NOP58: variants seen among roughly 807,000 people sequenced by gnomAD.
The protein encoded by NOP58 is NOP58 ribonucleoprotein, also known as nucleolar protein 58.
Under a neutral mutation model 71.2 loss-of-function variants are expected in NOP58, and 44 were observed. That is an observed-to-expected ratio of 0.62 (90% confidence interval 0.49 to 0.79). NOP58 has a LOEUF of 0.79. NOP58 is among the 30% of genes least tolerant of loss of function. The pLI, the probability that NOP58 is intolerant of heterozygous loss-of-function variation, is 0.00. For missense variants in NOP58, 538 were observed against 620.2 expected, an observed-to-expected ratio of 0.87 and a Z score of 1.41; for synonymous variants, 228 against 200.3, an observed-to-expected ratio of 1.14 and a Z score of -1.17.
chr2:202,271,492 G>C (rs1353117285), intron 1 of NOP58, among the ~76,000 whole-genome samples: 4 of 151,846 alleles, frequency 2.6e-5, no homozygotes, highest in Non-Finnish European at 5.9e-5. Context: ...GCTTTAACCA[G>C]GGAGGTGGAG....
intron 5 of NOP58, among the ~76,000 whole-genome samples, chr2:202,286,380 C>T (rs1259746253): frequency 1.3e-5 from 2 of 150,296 alleles, no homozygotes; most frequent in African/African-American, 4.9e-5. Flanking sequence ...TGGCGGGCGC[C>T]TGTAGTCCCA....
At chr2:202,290,232 G>T in intron 6 of NOP58, 91 bp from the exon 7 acceptor site, 1 of 1,058,694 alleles carries the variant, frequency 9.4e-7, no homozygotes, top group Non-Finnish European at 1.3e-6. Context: ...GAGCCACCGT[G>T]CCCAGCCTGA....
At chr2:202,271,021 T>G (rs1229306722) in intron 1 of NOP58, among the ~76,000 whole-genome samples, 1 of 151,330 alleles carries the variant, frequency 6.6e-6, no homozygotes, top group East Asian at 2.0e-4. Context: ...GAGGTGGAGG[T>G]TGCAGTGAGA....
intron 1 of NOP58, among the ~76,000 whole-genome samples, chr2:202,274,274 T>C (rs11889144): frequency 0.34 from 51,329 of 151,798 alleles, 10,221 homozygotes; most frequent in African/African-American, 0.55. Flanking sequence ...GTTGCCCAGG[T>C]TGGAGTGCAG....
chr2:202,302,653 T>A (rs1367690545), intron 13 of NOP58, among the ~76,000 whole-genome samples: 1 of 152,210 alleles, frequency 6.6e-6, no homozygotes, highest in Non-Finnish European at 1.5e-5. Flanking sequence ...TTCTTCCCAA[T>A]AATGATTGGA....
At chr2:202,299,063 T>A (rs1689044313) in intron 12 of NOP58, among the ~76,000 whole-genome samples, 3 of 150,852 alleles carry the variant, frequency 2.0e-5, no homozygotes, top group Non-Finnish European at 4.4e-5. Context: ...CGGTTCAAGT[T>A]ATGCTCCTGC....
intron 12 of NOP58, among the ~76,000 whole-genome samples, chr2:202,299,088 T>C (rs1004843371): frequency 6.6e-5 from 10 of 150,520 alleles, no homozygotes; most frequent in Non-Finnish European, 1.3e-4. Context: ...GCCTCCCGAG[T>C]AGCTAGGATT....
chr2:202,279,899 C>G (rs1022567340), intron 3 of NOP58, among the ~76,000 whole-genome samples: 1 of 152,186 alleles, frequency 6.6e-6, no homozygotes, highest in Non-Finnish European at 1.5e-5. Context: ...AGGGCAGAGA[C>G]TGTTCTGTAC....
At position 202,295,820 on chromosome 2, in the gene NOP58, C is replaced by G. The variant is rs767406013; in HGVS notation, c.1054C>G (p.Pro352Ala). ...YHASLVGQTSPKHKGKISRML... is the reference protein window; with the variant it reads ...YHASLVGQTSAKHKGKISRML... ...TGCTTCACTCGTGGGCCAGACAAGT[C>G]CCAAACACAAAGGAAAGGTGTGTTA... Residue 352 changes from proline to alanine, a missense_variant, in exon 10 of 15, where the codon CCC (proline) becomes GCC (alanine). Transcript: ENST00000264279. 1 of 1,580,390 alleles carries G rather than the reference C, an allele frequency of 6.3e-7. No homozygotes were observed. Among genetic ancestry groups the G allele is most frequent in the Admixed American group, 2.0e-5 (1 of 51,108 alleles).
rs1166317542 is a variant in NOP58, at chr2:202,297,236, G to C, written c.1072-143G>C. On this transcript the variant is annotated intron_variant, in intron 10 of 14. Coordinates refer to ENST00000264279, the MANE Select transcript of NOP58 (RefSeq NM_015934.5). ...TGTTGGTGGTGATATATGGCCATTA[G>C]ATTGTGGCAAAGGTTGAAATACGAT... is the stretch of plus-strand genomic sequence containing the variant. The C allele has an allele frequency of 7.2e-6, 5 of 697,744 alleles. No homozygotes were observed. The South Asian group carries it at 7.2e-5, about 10-fold the overall frequency. 43.2% of individuals were successfully genotyped at this position (697,744 alleles called of 1,614,324 possible). A position where few individuals can be genotyped will look rare whatever the true frequency, so the allele number is the denominator to read the frequency against.
chr2:202,266,551 A>G (rs914325181), intron 1 of NOP58, among the ~76,000 whole-genome samples: 1 of 152,020 alleles, frequency 6.6e-6, no homozygotes, highest in Non-Finnish European at 1.5e-5. Context: ...CCTGACCTCA[A>G]GCGATCCACC....
chr2:202,284,568 A>AT, intron 5 of NOP58, 87 bp downstream of exon 5: 1 of 1,371,514 alleles, frequency 7.3e-7, no homozygotes, highest in South Asian at 1.3e-5. Context: ...ACAAATGCTC[A>AT]TTTGAACCAC....
chr2:202,277,625 A>G (rs996080408), intron 2 of NOP58, among the ~76,000 whole-genome samples: 1 of 152,206 alleles, frequency 6.6e-6, no homozygotes, highest in South Asian at 2.1e-4. Flanking sequence ...TCTTGAGTCA[A>G]TTCTATGCTG....
chr2:202,276,286 G>A lies in NOP58; in HGVS notation c.122+1097G>A, dbSNP rs559597033. ...GCCTGGGAGGCGGAAGTTGCAGTGA[G>A]CCGAGATTGCGCCACTGCACTCCAG... On this transcript the variant is annotated intron_variant, in intron 2 of 14. Transcript: ENST00000264279. 4.3e-5 allele frequency: 9 copies of A among 207,134 alleles called. No homozygotes were observed. The South Asian group carries it at 5.1e-4, about 12-fold the overall frequency. The allele number at this position is 207,134 out of a possible 1,614,324, so 12.8% of individuals were successfully genotyped here.
chr2:202,275,554 CAG>C (rs910703369), intron 2 of NOP58: 57 of 164,160 alleles, frequency 3.5e-4, no homozygotes, highest in Middle Eastern at 2.9e-3. Context: ...TTACCGCACA[CAG>C]GGGTTGTAAC....
chr2:202,277,996 T>C lies in NOP58; in HGVS notation c.169T>C (p.Leu57=), dbSNP rs1688634593. The change falls in exon 3 of 15, where the codon TTA becomes CTA. Residue 57 remains leucine (L), a synonymous_variant. Coordinates refer to ENST00000264279, the MANE Select transcript of NOP58 (RefSeq NM_015934.5). ...FEKFQDTAEA[L]AAFTALMEGK... is the part of the protein sequence containing the mutation. ...GAAATTTCAGGATACAGCAGAAGCATTAGCAGGTAAAGTAAAAAATTAGAA... is the reference window on the plus strand; with the variant it reads ...GAAATTTCAGGATACAGCAGAAGCACTAGCAGGTAAAGTAAAAAATTAGAA... 3 of 1,548,654 alleles carry C rather than the reference T, an allele frequency of 1.9e-6. No individual in the cohort carries two copies. Among genetic ancestry groups the C allele is most frequent in the Non-Finnish European group, 2.7e-6 (3 of 1,128,040 alleles).
intron 1 of NOP58, among the ~76,000 whole-genome samples, chr2:202,270,952 G>A (rs995704629): frequency 6.6e-6 from 1 of 151,826 alleles, no homozygotes; most frequent in African/African-American, 2.4e-5. Flanking sequence ...GCCGGGCATG[G>A]TGGTGTGTGT....
intron 2 of NOP58, among the ~76,000 whole-genome samples, chr2:202,276,833 A>G (rs1688599487): frequency 6.6e-6 from 1 of 150,850 alleles, no homozygotes; most frequent in Admixed American, 6.6e-5. Context: ...GTGAAGTGAG[A>G]CCCTGTCTCA....
chr2:202,273,144 T>C (rs564941386), intron 1 of NOP58, among the ~76,000 whole-genome samples: 223 of 152,122 alleles, frequency 1.5e-3, no homozygotes, highest in African/African-American at 5.1e-3. Flanking sequence ...ATAAATTAAT[T>C]AAAAAATACT....
Sources: gnomAD v4.1 joint callset for allele counts (sites outside exome capture counted in the v4.1 genomes callset) on GRCh38, gnomAD v4.1.1 for gene constraint, MANE v1.5 for transcripts, NCBI Gene and HGNC (gene_info 2026-07-23, HGNC 2026-07-21) for gene names.